The following KANK4 variants were observed in gnomAD, a reference collection of about 807,000 sequenced individuals.
KANK4 encodes KN motif and ankyrin repeat domain-containing protein 4.
Under a neutral mutation model 80.8 loss-of-function variants are expected in KANK4, and 50 were observed. That is an observed-to-expected ratio of 0.62 (90% confidence interval 0.49 to 0.78). The LOEUF (loss-of-function observed/expected upper bound fraction) is 0.78, where lower values mean the gene tolerates loss of function less well. Among genes scored for constraint, KANK4 ranks in the 30% least tolerant of loss-of-function variants. The probability of loss-of-function intolerance (pLI) is 0.00; values close to 1 mark genes in which losing one functional copy is unlikely to be tolerated. For synonymous variants in KANK4, 465 were observed against 506.9 expected, an observed-to-expected ratio of 0.92 and a Z score of 1.11; for missense variants, 1,196 against 1,240.1, an observed-to-expected ratio of 0.96 and a Z score of 0.53.
chr1:62,293,112 G>A (rs1368594629), intron 1 of KANK4, among the ~76,000 whole-genome samples: 1 of 150,814 alleles, frequency 6.6e-6, no homozygotes, highest in Admixed American at 6.6e-5. Flanking sequence ...GTGTGAGACA[G>A]AGTGTCACTC....
At chr1:62,279,037 G>A (rs901756887) in intron 2 of KANK4, among the ~76,000 whole-genome samples, 17 of 152,282 alleles carry the variant, frequency 1.1e-4, no homozygotes, top group African/African-American at 4.1e-4. Context: ...GCCTCTGGGC[G>A]CAGGTCCAGA....
At position 62,273,995 on chromosome 1, in the gene KANK4, AG is replaced by A. The variant is rs1220926566; in HGVS notation, c.1108del (p.Leu370SerfsTer22). On this transcript the variant is annotated frameshift_variant, in exon 3 of 10. Transcript: ENST00000371153. LOFTEE classifies it high-confidence loss of function. ...TTTGATTTCCTCTTCCTGCTGCTGG[AG>A]AGCAGTTCTGACCTGTGCCAGTTCC... ...TEELAQVRTA[L>X]QQQEEEIKAR... 7.4e-6 allele frequency: 12 copies of A among 1,614,032 alleles called. No homozygotes were observed. The highest frequency in any genetic ancestry group is 1.0e-5 in the Non-Finnish European group (12 of 1,180,044).
intron 1 of KANK4, among the ~76,000 whole-genome samples, chr1:62,318,456 A>G (rs1644560202): frequency 6.6e-6 from 1 of 152,230 alleles, no homozygotes; most frequent in Non-Finnish European, 1.5e-5. Context: ...AGGAGCCCAC[A>G]GGAGGCATGC....
intron 1 of KANK4, among the ~76,000 whole-genome samples, chr1:62,288,967 C>A (rs1000458800): frequency 1.3e-5 from 2 of 152,132 alleles, no homozygotes; most frequent in Non-Finnish European, 2.9e-5. Flanking sequence ...TCAGATAAAT[C>A]CTGACATGCC....
chr1:62,273,099 CT>C, intron 3 of KANK4, 104 bp downstream of exon 3: 1 of 854,092 alleles, frequency 1.2e-6, no homozygotes, highest in Non-Finnish European at 1.7e-6. Flanking sequence ...CTGCTAAAAT[CT>C]TTTTAAAAAC....
At chr1:62,294,450 T>C (rs1270008336) in intron 1 of KANK4, among the ~76,000 whole-genome samples, 1 of 152,196 alleles carries the variant, frequency 6.6e-6, no homozygotes, top group African/African-American at 2.4e-5. Flanking sequence ...TGGTCCAGAA[T>C]TCAGCAGATG....
chr1:62,300,526 A>G (rs1457658567), intron 1 of KANK4, among the ~76,000 whole-genome samples: 2 of 152,092 alleles, frequency 1.3e-5, no homozygotes, highest in African/African-American at 2.4e-5. Context: ...GCGTTGAAGG[A>G]TGAGTAAAAG....
chr1:62,293,661 G>T (rs577776661), intron 1 of KANK4, among the ~76,000 whole-genome samples: 1 of 152,294 alleles, frequency 6.6e-6, no homozygotes, highest in East Asian at 1.9e-4. Context: ...ATTCTGTAAA[G>T]AAAGGTGACC....
At chr1:62,239,011 G>A (rs1006600467) in intron 9 of KANK4, among the ~76,000 whole-genome samples, 6 of 151,310 alleles carry the variant, frequency 4.0e-5, no homozygotes, top group Non-Finnish European at 5.9e-5. Flanking sequence ...GTGAAAGTTC[G>A]CATTTTGGTG....
chr1:62,266,989 G>A lies in KANK4; in HGVS notation c.2232-170C>T, dbSNP rs112624935. Among the ~76,000 whole-genome samples, 1,617 of 152,228 alleles carry A rather than the reference G, an allele frequency of 0.011. 37 individuals are homozygous for A. Among genetic ancestry groups the A allele is most frequent in the African/African-American group, 0.037 (1,535 of 41,530 alleles). ...ATCTGGAGTGACCATGGTGTGTGCC[G>A]ATGTGACTTGGCTTCTGAATGCTTC... On this transcript the variant is annotated intron_variant, in intron 5 of 9. Coordinates refer to ENST00000371153, the MANE Select transcript of KANK4 (RefSeq NM_181712.5).
intron 2 of KANK4, among the ~76,000 whole-genome samples, chr1:62,276,144 C>T (rs1672308950): frequency 6.6e-6 from 1 of 152,150 alleles, no homozygotes; most frequent in South Asian, 2.1e-4. Flanking sequence ...CTTGCAGCAT[C>T]CACCTGTTGA....
chr1:62,287,872 AGTAC>A (rs1401549068), intron 1 of KANK4, among the ~76,000 whole-genome samples: 1 of 152,190 alleles, frequency 6.6e-6, no homozygotes, highest in Non-Finnish European at 1.5e-5. Context: ...CAGTTAGCTG[AGTAC>A]GCAGACCAAT....
intron 9 of KANK4, among the ~76,000 whole-genome samples, chr1:62,238,617 C>G (rs1671265090): frequency 6.6e-6 from 1 of 150,498 alleles, no homozygotes; most frequent in African/African-American, 2.4e-5. Context: ...GAAGGGCCAT[C>G]TAGTTTTTAA....
chr1:62,279,315 A>G (rs1181612545), intron 2 of KANK4, among the ~76,000 whole-genome samples: 1 of 151,838 alleles, frequency 6.6e-6, no homozygotes, highest in Non-Finnish European at 1.5e-5. Context: ...GCACAAGAGG[A>G]ATGCTGGGCT....
At chr1:62,307,137 G>T (rs900340404) in intron 1 of KANK4, among the ~76,000 whole-genome samples, 1 of 150,760 alleles carries the variant, frequency 6.6e-6, no homozygotes, top group African/African-American at 2.5e-5. Flanking sequence ...AGGCCATCAT[G>T]CAGGAAGCAT....
chr1:62,316,637 A>G (rs1245675873), intron 1 of KANK4, among the ~76,000 whole-genome samples: 1 of 152,204 alleles, frequency 6.6e-6, no homozygotes, highest in African/African-American at 2.4e-5. Flanking sequence ...TGTATGCAAG[A>G]TATTTTAGGT....
At chr1:62,316,561 G>A (rs2149176895) in intron 1 of KANK4, among the ~76,000 whole-genome samples, 1 of 152,324 alleles carries the variant, frequency 6.6e-6, no homozygotes, top group South Asian at 2.1e-4. Context: ...TCCATTTTCT[G>A]TAAAATTGAA....
chr1:62,296,505 T>C (rs1484972045), intron 1 of KANK4, among the ~76,000 whole-genome samples: 2 of 152,214 alleles, frequency 1.3e-5, no homozygotes, highest in Non-Finnish European at 2.9e-5. Flanking sequence ...GGAAATTACT[T>C]AGAAGGCTCC....
At chr1:62,250,457 T>C (rs75683811) in intron 8 of KANK4, among the ~76,000 whole-genome samples, 3,342 of 152,284 alleles carry the variant, frequency 0.022, 118 homozygotes, top group African/African-American at 0.076. Context: ...GCCCTGGAGA[T>C]CCAGAGAGAA....
Sources: allele counts gnomAD v4.1 joint callset (sites outside exome capture counted in the v4.1 genomes callset), GRCh38; gene constraint gnomAD v4.1.1; transcripts MANE v1.5; gene names NCBI Gene and HGNC (gene_info 2026-07-23, HGNC 2026-07-21).